TAFA1: variants seen among roughly 807,000 people sequenced by gnomAD.
TAFA1 encodes TAFA chemokine like family member 1.
Under a neutral mutation model 18.5 loss-of-function variants are expected in TAFA1, and 4 were observed. The observed-to-expected ratio is 0.22, with a 90% CI of 0.11 to 0.49. The LOEUF (loss-of-function observed/expected upper bound fraction) is 0.49. TAFA1 is among the 20% of genes least tolerant of loss of function. TAFA1 has a pLI of 0.98. For missense variants in TAFA1, 147 were observed against 169.0 expected (o/e 0.87, Z 0.72); for synonymous variants, 56 against 55.2 (o/e 1.01, Z -0.06).
chr3:68,228,904 T>C (rs2066835966), intron 2 of TAFA1, among the ~76,000 whole-genome samples: 1 of 152,154 alleles, frequency 6.6e-6, no homozygotes, highest in Non-Finnish European at 1.5e-5. Flanking sequence ...GGAAGAAATT[T>C]GGGAGAAAGC....
intron 2 of TAFA1, among the ~76,000 whole-genome samples, chr3:68,309,740 T>G (rs557476805): frequency 6.6e-6 from 1 of 152,348 alleles, no homozygotes; most frequent in South Asian, 2.1e-4. Flanking sequence ...CCCACAGAGT[T>G]GAACAGATGG....
intron 2 of TAFA1, among the ~76,000 whole-genome samples, chr3:68,366,778 T>C (rs1319009927): frequency 2.6e-5 from 4 of 152,204 alleles, no homozygotes; most frequent in African/African-American, 2.4e-5. Flanking sequence ...ATGAATTAAA[T>C]GATGTGTCCA....
intron 2 of TAFA1, among the ~76,000 whole-genome samples, chr3:68,231,793 A>G (rs1405838964): frequency 6.6e-6 from 1 of 152,198 alleles, no homozygotes; most frequent in Non-Finnish European, 1.5e-5. Flanking sequence ...ACTCAGCTTT[A>G]GGGCCTTTCC....
At chr3:68,140,647 C>T (rs1378309822) in intron 2 of TAFA1, among the ~76,000 whole-genome samples, 1 of 152,154 alleles carries the variant, frequency 6.6e-6, no homozygotes, top group Non-Finnish European at 1.5e-5. Context: ...AAAATGAAGG[C>T]AATGATGGCT....
chr3:68,405,733 AAAAAAAAG>A (rs1339782970), intron 2 of TAFA1, among the ~76,000 whole-genome samples: 11 of 139,150 alleles, frequency 7.9e-5, no homozygotes, highest in Admixed American at 2.2e-4. Flanking sequence ...AAAAAAAAAA[AAAAAAAAG>A]ACTAGACAAA....
intron 3 of TAFA1, among the ~76,000 whole-genome samples, chr3:68,509,153 G>A (rs2072809787): frequency 6.6e-6 from 1 of 152,092 alleles, no homozygotes; most frequent in Admixed American, 6.6e-5. Flanking sequence ...CACAGTGCTA[G>A]GTACTTCATA....
intron 2 of TAFA1, among the ~76,000 whole-genome samples, chr3:68,255,697 T>C (rs1559580747): frequency 6.6e-6 from 1 of 152,084 alleles, no homozygotes; most frequent in Non-Finnish European, 1.5e-5. Context: ...CTGTTTGTTT[T>C]ATGAAGGATA....
intron 2 of TAFA1, among the ~76,000 whole-genome samples, chr3:68,119,366 G>A (rs1404836322): frequency 5.3e-5 from 8 of 151,610 alleles, no homozygotes; most frequent in Admixed American, 3.3e-4. Flanking sequence ...TTCCTTTGGT[G>A]CATATAAGTT....
chr3:68,193,276 A>G (rs72922496), intron 2 of TAFA1, among the ~76,000 whole-genome samples: 6,203 of 151,872 alleles, frequency 0.041, 393 homozygotes, highest in African/African-American at 0.14. Flanking sequence ...CTTTTCTACT[A>G]TTCAAACATG....
chr3:68,269,828 A>G (rs145983505), intron 2 of TAFA1, among the ~76,000 whole-genome samples: 26 of 152,324 alleles, frequency 1.7e-4, no homozygotes, highest in African/African-American at 6.0e-4. Context: ...ACAGCAACCA[A>G]CCAATTTGAA....
intron 3 of TAFA1, among the ~76,000 whole-genome samples, chr3:68,495,219 A>C (rs2072523843): frequency 6.6e-6 from 1 of 152,218 alleles, no homozygotes; most frequent in African/African-American, 2.4e-5. Flanking sequence ...TGGTGCTTCC[A>C]AACCCATTTG....
chr3:68,490,061 A>G (rs538167639), intron 3 of TAFA1, among the ~76,000 whole-genome samples: 8 of 152,348 alleles, frequency 5.3e-5, no homozygotes, highest in South Asian at 2.1e-4. Flanking sequence ...GTTGCCAATG[A>G]TAGAGCTCAA....
chr3:68,375,264 A>G (rs934130069), intron 2 of TAFA1, among the ~76,000 whole-genome samples: 13 of 151,598 alleles, frequency 8.6e-5, no homozygotes, highest in African/African-American at 3.1e-4. Context: ...TGTGTATCCC[A>G]CTCCAGACAG....
At chr3:68,511,949 T>C (rs1158426822) in intron 3 of TAFA1, among the ~76,000 whole-genome samples, 1 of 152,082 alleles carries the variant, frequency 6.6e-6, no homozygotes, top group Non-Finnish European at 1.5e-5. Flanking sequence ...ATATGACAAG[T>C]CCTCTTCTAA....
Position 68,101,533 on chromosome 3 carries a change from G to A in TAFA1, c.118+94789G>A, listed in dbSNP as rs550601571. Among the ~76,000 whole-genome samples, 5 of 152,164 alleles carry A rather than the reference G, an allele frequency of 3.3e-5. 1 individual carries two copies. In the South Asian group the frequency reaches 1.0e-3, roughly 32 times the overall value. On this transcript the variant is annotated intron_variant, in intron 2 of 4. Coordinates refer to ENST00000478136, the MANE Select transcript of TAFA1 (RefSeq NM_213609.4). ...AAATGATGAGTTCATGTCCTTTGTAGGGACATGGATGAAGGTGTGATTTCA... is the reference window on the plus strand; with the variant it reads ...AAATGATGAGTTCATGTCCTTTGTAAGGACATGGATGAAGGTGTGATTTCA...
chr3:68,480,251 A>C (rs2072205180), intron 3 of TAFA1, among the ~76,000 whole-genome samples: 1 of 151,132 alleles, frequency 6.6e-6, no homozygotes, highest in Non-Finnish European at 1.5e-5. Context: ...AAAAAAAAAA[A>C]AATTAGCCAG....
intron 2 of TAFA1, among the ~76,000 whole-genome samples, chr3:68,260,352 GAGGATTTTTGCATCAATGTTCATCA>G (rs1248499123): frequency 6.6e-6 from 1 of 152,024 alleles, no homozygotes; most frequent in Non-Finnish European, 1.5e-5. Flanking sequence ...GTATTTTATT[GAGGATTTTTGCATCAATGTTCATCA>G]AGGATATTGG....
chr3:68,152,441 T>TG (rs1483565996), intron 2 of TAFA1, among the ~76,000 whole-genome samples: 1 of 152,168 alleles, frequency 6.6e-6, no homozygotes, highest in Non-Finnish European at 1.5e-5. Context: ...AAAACCCTGG[T>TG]GCAAGTCAGT....
At chr3:68,304,733 G>A (rs900818293) in intron 2 of TAFA1, among the ~76,000 whole-genome samples, 1 of 152,124 alleles carries the variant, frequency 6.6e-6, no homozygotes, top group African/African-American at 2.4e-5. Context: ...GGAGAAATAA[G>A]CAAATAAAAT....
Sources: allele counts gnomAD v4.1 joint callset (sites outside exome capture counted in the v4.1 genomes callset), GRCh38; gene constraint gnomAD v4.1.1; transcripts MANE v1.5; gene names NCBI Gene and HGNC (gene_info 2026-07-23, HGNC 2026-07-21).